Variants in CDH20 observed in about 807,000 individuals in gnomAD.
CDH20 encodes the protein cadherin-20.
Under a neutral mutation model 74.2 loss-of-function variants are expected in CDH20, and 29 were observed. The ratio of observed to expected loss-of-function variants is 0.39; its 90% CI spans 0.29 to 0.53. The LOEUF is 0.53. Among genes scored for constraint, CDH20 ranks in the 20% least tolerant of loss-of-function variants. The pLI is 0.69. For synonymous variants in CDH20, 469 were observed against 405.4 expected (o/e 1.16, Z -1.88); for missense variants, 988 against 1,048.3 (o/e 0.94, Z 0.79).
chr18:61,522,066 C>T lies in CDH20; in HGVS notation c.1018-5901C>T, dbSNP rs143410156. Among the ~76,000 whole-genome samples, 54 of 152,184 alleles carry T rather than the reference C, an allele frequency of 3.5e-4. No homozygotes were observed. In the East Asian group the frequency reaches 0.01, roughly 29 times the overall value. On this transcript the variant is annotated intron_variant, in intron 6 of 11. Coordinates refer to ENST00000262717, the MANE Select transcript of CDH20 (RefSeq NM_031891.4). ...TCAACACAGTATTGGAAGTTTTGGCCAGGGCAATTGGGCAAGATAAAGAAA... is the reference window on the plus strand; with the variant it reads ...TCAACACAGTATTGGAAGTTTTGGCTAGGGCAATTGGGCAAGATAAAGAAA...
Position 61,554,614 on chromosome 18 carries a change from C to T in CDH20, c.2325C>T (p.Asp775=), listed in dbSNP as rs746418783. The change falls in exon 12 of 12, where the codon GAC becomes GAT. Residue 775 remains aspartate (D), a synonymous_variant. Coordinates refer to ENST00000262717, the MANE Select transcript of CDH20 (RefSeq NM_031891.4). Reference sequence around the variant, plus strand: ...CGTCGGACTCGGAACAGAGCTTCGACTTCCTGACGGACTGGGGGCCCCGCT... The same window carrying T: ...CGTCGGACTCGGAACAGAGCTTCGATTTCCTGACGGACTGGGGGCCCCGCT... ...SATSDSEQSF[D]FLTDWGPRFR... 5 of 1,607,564 alleles carry T rather than the reference C, an allele frequency of 3.1e-6. No individual in the cohort carries two copies. The African/African-American group carries it at 5.3e-5, about 17-fold the overall frequency.
chr18:61,555,028 C>A lies in CDH20; in HGVS notation c.*333C>A. On this transcript the variant is annotated 3_prime_UTR_variant, in exon 12 of 12. Coordinates refer to ENST00000262717, the MANE Select transcript of CDH20 (RefSeq NM_031891.4). ...CGCTAAGGCCTTTGTCACTTTTCCA[C>A]CACAGAAAGGCTCTGGCCTTGGATA... is the stretch of plus-strand genomic sequence containing the variant. The A allele has an allele frequency of 8.7e-7, 1 of 1,145,174 alleles. No homozygotes were observed. The highest frequency in any genetic ancestry group is 1.1e-6 in the Non-Finnish European group (1 of 929,384). 70.9% of individuals were successfully genotyped at this position (1,145,174 alleles called of 1,614,324 possible).
intron 1 of CDH20, among the ~76,000 whole-genome samples, chr18:61,339,360 T>TACACACACACACACACACAC (rs35630137): frequency 2.1e-5 from 3 of 145,846 alleles, no homozygotes; most frequent in African/African-American, 7.5e-5. Context: ...GCAAGTTTAT[T>TACACACACACACACACACAC]ACACACACAC....
At chr18:61,362,585 A>T (rs1415275196) in intron 1 of CDH20, among the ~76,000 whole-genome samples, 1 of 152,182 alleles carries the variant, frequency 6.6e-6, no homozygotes, top group Non-Finnish European at 1.5e-5. Flanking sequence ...AGACAGTAAT[A>T]AGTACTACGG....
At chr18:61,428,849 C>T (rs1306462884) in intron 1 of CDH20, among the ~76,000 whole-genome samples, 1 of 152,218 alleles carries the variant, frequency 6.6e-6, no homozygotes, top group Non-Finnish European at 1.5e-5. Context: ...TATAAGGGGC[C>T]CACCCACCAG....
At chr18:61,544,316 T>C (rs1913149473) in intron 9 of CDH20, among the ~76,000 whole-genome samples, 1 of 152,204 alleles carries the variant, frequency 6.6e-6, no homozygotes, top group African/African-American at 2.4e-5. Context: ...TGTGTTACAG[T>C]GTGCTCACTC....
chr18:61,508,885 C>A (rs531146360), intron 6 of CDH20, among the ~76,000 whole-genome samples: 2 of 152,324 alleles, frequency 1.3e-5, no homozygotes, highest in African/African-American at 4.8e-5. Flanking sequence ...AATCTGCCCC[C>A]CTCAGCCTCC....
chr18:61,453,856 T>C (rs1909481668), intron 1 of CDH20, among the ~76,000 whole-genome samples: 1 of 152,178 alleles, frequency 6.6e-6, no homozygotes, highest in Admixed American at 6.5e-5. Context: ...GGCAGTTGCA[T>C]GTTTAATTTT....
At chr18:61,420,987 G>T (rs144646685) in intron 1 of CDH20, among the ~76,000 whole-genome samples, 13,069 of 152,158 alleles carry the variant, frequency 0.086, 688 homozygotes, top group Middle Eastern at 0.14. Flanking sequence ...GGAGGCAGAG[G>T]TTGCAGGGAG....
At chr18:61,419,924 G>A (rs1020593106) in intron 1 of CDH20, among the ~76,000 whole-genome samples, 5 of 152,042 alleles carry the variant, frequency 3.3e-5, no homozygotes, top group African/African-American at 1.2e-4. Context: ...CAAAAGAAAT[G>A]AGCTTTTCTG....
rs199537396 is a variant in CDH20, at chr18:61,503,132, A to G, written c.829+12A>G. 569 of 1,585,224 alleles carry G rather than the reference A, an allele frequency of 3.6e-4. No individual in the cohort carries two copies. Among genetic ancestry groups the G allele is most frequent in the Middle Eastern group, 6.8e-4 (4 of 5,900 alleles). Reference sequence around the variant, plus strand: ...CCGCTTTCCCCAGAGTGAGTACCTAACCCAAGAGAGCACAGACCTCGGGCC... The same window carrying G: ...CCGCTTTCCCCAGAGTGAGTACCTAGCCCAAGAGAGCACAGACCTCGGGCC... On this transcript the variant is annotated intron_variant, in intron 5 of 11. Coordinates refer to ENST00000262717, the MANE Select transcript of CDH20 (RefSeq NM_031891.4).
At chr18:61,426,669 C>T (rs1333983259) in intron 1 of CDH20, among the ~76,000 whole-genome samples, 1 of 152,202 alleles carries the variant, frequency 6.6e-6, no homozygotes, top group Non-Finnish European at 1.5e-5. Context: ...GCTTGTCCCA[C>T]AAGGACTGAC....
intron 1 of CDH20, among the ~76,000 whole-genome samples, chr18:61,421,912 A>T (rs996617412): frequency 6.6e-6 from 1 of 152,134 alleles, no homozygotes; most frequent in African/African-American, 2.4e-5. Flanking sequence ...AAAATTCAGT[A>T]GTTTTCATCT....
At chr18:61,336,693 A>AT (rs1428892783) in intron 1 of CDH20, among the ~76,000 whole-genome samples, 19 of 151,142 alleles carry the variant, frequency 1.3e-4, no homozygotes, top group African/African-American at 2.7e-4. Flanking sequence ...TTGGCCAAGC[A>AT]TTTTTTTTCA....
chr18:61,477,111 C>T (rs1249025821), intron 1 of CDH20, among the ~76,000 whole-genome samples: 1 of 152,144 alleles, frequency 6.6e-6, no homozygotes, highest in Non-Finnish European at 1.5e-5. Flanking sequence ...TGAGCCGATC[C>T]TTGCCCCATG....
intron 1 of CDH20, among the ~76,000 whole-genome samples, chr18:61,367,525 G>A (rs540248630): frequency 6.6e-6 from 1 of 152,290 alleles, no homozygotes; most frequent in African/African-American, 2.4e-5. Flanking sequence ...TGGAGGTCCT[G>A]TGGGAGAATC....
intron 1 of CDH20, among the ~76,000 whole-genome samples, chr18:61,450,590 T>A (rs72991892): frequency 0.027 from 4,148 of 152,112 alleles, 205 homozygotes; most frequent in East Asian, 0.22. Flanking sequence ...ATAGAGGTAA[T>A]GCATGTTCAC....
chr18:61,496,591 G>A (rs1026462223), intron 2 of CDH20, among the ~76,000 whole-genome samples: 1 of 152,062 alleles, frequency 6.6e-6, no homozygotes, highest in African/African-American at 2.4e-5. Context: ...GCGCCCTGTG[G>A]TGAGCTCTGC....
At chr18:61,461,716 G>T (rs1909782286) in intron 1 of CDH20, among the ~76,000 whole-genome samples, 1 of 152,268 alleles carries the variant, frequency 6.6e-6, no homozygotes, top group Non-Finnish European at 1.5e-5. Context: ...CACTCCACAG[G>T]GTGGGAGCAG....
Sources: gnomAD v4.1 joint callset for allele counts (sites outside exome capture counted in the v4.1 genomes callset) on GRCh38, gnomAD v4.1.1 for gene constraint, MANE v1.5 for transcripts, NCBI Gene and HGNC (gene_info 2026-07-23, HGNC 2026-07-21) for gene names.